CD200R1L: variants seen among roughly 807,000 people sequenced by gnomAD.
CD200R1L encodes cell surface glycoprotein CD200 receptor 2.
Under a neutral mutation model 24.8 loss-of-function variants are expected in CD200R1L, and 14 were observed. That is an observed-to-expected ratio of 0.56 (90% CI 0.37 to 0.88). The LOEUF is 0.88. Ranked by LOEUF, CD200R1L falls within the 40% of genes least tolerant of loss-of-function variation. The pLI, the probability that CD200R1L is intolerant of heterozygous loss-of-function variation, is 0.00. For missense variants in CD200R1L, 299 were observed against 297.8 expected (o/e 1.00, Z -0.03); for synonymous variants, 111 against 109.2 (o/e 1.02, Z -0.11).
intron 3 of CD200R1L, among the ~76,000 whole-genome samples, chr3:112,836,197 C>T (rs4682436): frequency 0.059 from 9,005 of 152,248 alleles, 282 homozygotes; most frequent in African/African-American, 0.075. Context: ...TCAGCTGCCT[C>T]GCAGACACGG....
chr3:112,845,944 A>G lies in CD200R1L; in HGVS notation c.-352T>C. 1 of 519,596 alleles carries G rather than the reference A, an allele frequency of 1.9e-6. No individual in the cohort carries two copies. The highest frequency in any genetic ancestry group is 3.4e-6 in the Non-Finnish European group (1 of 293,218). 32.2% of individuals were successfully genotyped at this position (519,596 alleles called of 1,614,324 possible). A position where few individuals can be genotyped will look rare whatever the true frequency, so the allele number is the denominator to read the frequency against. ...TAACCACTGATGGGAAATGTCAGTG[A>G]GTTTTGCTGTGTAATAAAGCAAAAA... On this transcript the variant is annotated 5_prime_UTR_variant, in exon 2 of 8. Transcript: ENST00000488794.
At chr3:112,821,592 C>T (rs958182534) in intron 6 of CD200R1L, among the ~76,000 whole-genome samples, 5 of 152,134 alleles carry the variant, frequency 3.3e-5, no homozygotes, top group African/African-American at 4.8e-5. Flanking sequence ...ATATTGAAGC[C>T]CTCAAAGTCA....
At chr3:112,820,278 A>G (rs1938503452) in intron 6 of CD200R1L, among the ~76,000 whole-genome samples, 1 of 152,174 alleles carries the variant, frequency 6.6e-6, no homozygotes. Context: ...AGCTGATAAC[A>G]CTTTCCACAC....
In CD200R1L at chr3:112,827,456, G is replaced by A. The variant is rs199566328; in HGVS notation, c.278C>T (p.Pro93Leu). ...PDQNSDLQIR[P>L]VDTTHDGYYR... The stretch of plus-strand genomic sequence containing the variant: ...ATACCCGTCATGAGTGGTGTCCACC[G>A]GACGAATCTGAAGGTCCGAATTCTG... The change falls in exon 5 of 8, where the codon CCG (proline) becomes CTG (leucine). Residue 93 changes from proline (P) to leucine (L), a missense_variant. Pro to Leu is a moderately conservative substitution (Grantham distance 98). Transcript: ENST00000488794. 69 of 1,614,138 alleles carry A rather than the reference G, an allele frequency of 4.3e-5. No homozygotes were observed. In the African/African-American group the frequency reaches 6.1e-4, roughly 14 times the overall value.
intron 2 of CD200R1L, among the ~76,000 whole-genome samples, chr3:112,840,772 C>A (rs1324444850): frequency 2.0e-5 from 3 of 152,184 alleles, no homozygotes; most frequent in Admixed American, 6.5e-5. Flanking sequence ...TGCTAGAATT[C>A]TAGCTAGAAA....
chr3:112,842,050 C>T (rs148407699), intron 2 of CD200R1L, among the ~76,000 whole-genome samples: 11 of 152,220 alleles, frequency 7.2e-5, no homozygotes, highest in South Asian at 2.1e-4. Context: ...GGGATCTCCA[C>T]GGCCCACAAC....
At chr3:112,822,908 C>T (rs1302625021) in intron 6 of CD200R1L, among the ~76,000 whole-genome samples, 5 of 152,172 alleles carry the variant, frequency 3.3e-5, no homozygotes, top group Admixed American at 6.5e-5. Context: ...CCAGGGAAGA[C>T]GTATTCCCTC....
chr3:112,834,166 C>T (rs1462126620), intron 3 of CD200R1L, among the ~76,000 whole-genome samples: 2 of 151,602 alleles, frequency 1.3e-5, no homozygotes, highest in African/African-American at 4.9e-5. Context: ...CCTAGCTCCC[C>T]AGTTCATAGA....
At chr3:112,816,914 T>G (rs1321988195) in intron 7 of CD200R1L, among the ~76,000 whole-genome samples, 1 of 152,182 alleles carries the variant, frequency 6.6e-6, no homozygotes, top group African/African-American at 2.4e-5. Flanking sequence ...CCTGTCACCA[T>G]GTAAGACGTA....
At chr3:112,818,375 A>T (rs1415424158) in intron 7 of CD200R1L, among the ~76,000 whole-genome samples, 1 of 152,228 alleles carries the variant, frequency 6.6e-6, no homozygotes, top group African/African-American at 2.4e-5. Context: ...TCTAAAAAGT[A>T]AGGGGAACTT....
intron 7 of CD200R1L, among the ~76,000 whole-genome samples, chr3:112,819,111 G>C (rs1559919623): frequency 6.6e-6 from 1 of 152,138 alleles, no homozygotes; most frequent in Non-Finnish European, 1.5e-5. Flanking sequence ...AAAACCATCA[G>C]CTATTGTGAG....
At position 112,845,767 on chromosome 3, in the gene CD200R1L, T is replaced by A. The variant is rs758902993; in HGVS notation, c.-175A>T. 1.3e-6 allele frequency: 2 copies of A among 1,512,386 alleles called. No homozygotes were observed. The highest frequency in any genetic ancestry group is 2.3e-5 in the South Asian group (2 of 88,016). 93.7% of individuals were successfully genotyped at this position (1,512,386 alleles called of 1,614,324 possible). A position where few individuals can be genotyped will look rare whatever the true frequency, so the allele number is the denominator to read the frequency against. ...TTTGGAGTGGTTTTCTACTTAAACATAAATCCACTTTAAATCAATCAACAG... is the reference window on the plus strand; with the variant it reads ...TTTGGAGTGGTTTTCTACTTAAACAAAAATCCACTTTAAATCAATCAACAG... On this transcript the variant is annotated 5_prime_UTR_variant, in exon 2 of 8. An upstream start codon of the reference 5' UTR is lost. Transcript: ENST00000488794.
intron 7 of CD200R1L, among the ~76,000 whole-genome samples, chr3:112,819,479 C>T (rs1440265224): frequency 6.6e-6 from 1 of 152,122 alleles, no homozygotes; most frequent in Non-Finnish European, 1.5e-5. Flanking sequence ...ACTTGAGAAG[C>T]CCCAGAAACT....
chr3:112,837,502 T>C (rs982041365), intron 3 of CD200R1L, among the ~76,000 whole-genome samples: 1 of 152,202 alleles, frequency 6.6e-6, no homozygotes. Context: ...TTATGTGCCT[T>C]TCTACCCTGT....
At chr3:112,821,855 G>T (rs1480208761) in intron 6 of CD200R1L, among the ~76,000 whole-genome samples, 1 of 152,214 alleles carries the variant, frequency 6.6e-6, no homozygotes, top group South Asian at 2.1e-4. Context: ...TAACACAGAG[G>T]TCAGGGAGAA....
intron 3 of CD200R1L, among the ~76,000 whole-genome samples, chr3:112,830,478 G>A (rs934095616): frequency 3.3e-4 from 47 of 140,580 alleles, no homozygotes; most frequent in African/African-American, 1.1e-4. Flanking sequence ...GGAGGCCTAC[G>A]TTATACTCTT....
At position 112,818,368 on chromosome 3, in the gene CD200R1L, A is replaced by G. The variant is rs192624844; in HGVS notation, c.740+1404T>C. Among the ~76,000 whole-genome samples, 63 of 152,370 alleles carry G rather than the reference A, an allele frequency of 4.1e-4. 1 individual carries two copies. In the East Asian group the frequency reaches 0.011, roughly 27 times the overall value. On this transcript the variant is annotated intron_variant, in intron 7 of 7. Transcript: ENST00000488794. Reference sequence around the variant, plus strand: ...AAGGGAATTGAGACATTAGAACTCTAAAAAGTAAGGGGAACTTCAGAGTCA... The same window carrying G: ...AAGGGAATTGAGACATTAGAACTCTGAAAAGTAAGGGGAACTTCAGAGTCA...
At chr3:112,819,726 T>C (rs759764703) in intron 7 of CD200R1L, 46 bp downstream of exon 7, 3 of 1,366,870 alleles carry the variant, frequency 2.2e-6, no homozygotes, top group African/African-American at 4.9e-5. Context: ...CAATGATACT[T>C]TTTTTTTTCT....
chr3:112,841,177 C>G, intron 2 of CD200R1L: 1 of 326,682 alleles, frequency 3.1e-6, no homozygotes, highest in South Asian at 2.4e-5. Context: ...TAGCACCCTC[C>G]CCCTAGTGCT....
Sources: allele counts gnomAD v4.1 joint callset (sites outside exome capture counted in the v4.1 genomes callset), GRCh38; gene constraint gnomAD v4.1.1; transcripts MANE v1.5; gene names NCBI Gene and HGNC (gene_info 2026-07-23, HGNC 2026-07-21).